The following GRM8 variants were observed in gnomAD, a reference collection of about 807,000 sequenced individuals.
The protein encoded by GRM8 is metabotropic glutamate receptor 8.
A neutral mutation model predicts 87.2 loss-of-function variants in GRM8; 47 were observed. That is an observed-to-expected ratio of 0.54 (90% CI 0.43 to 0.69). The LOEUF (loss-of-function observed/expected upper bound fraction) is 0.69. GRM8 is among the 30% of genes least tolerant of loss of function. The pLI, the probability that GRM8 is intolerant of heterozygous loss-of-function variation, is 0.00. For synonymous variants in GRM8, 396 were observed against 404.5 expected, an observed-to-expected ratio of 0.98 and a Z score of 0.25; for missense variants, 1,019 against 1,139.2, an observed-to-expected ratio of 0.89 and a Z score of 1.52.
intron 7 of GRM8, among the ~76,000 whole-genome samples, chr7:126,690,423 G>T (rs1368495969): frequency 6.6e-6 from 1 of 152,186 alleles, no homozygotes; most frequent in East Asian, 1.9e-4. Flanking sequence ...AGCTGAACCA[G>T]GCATACCACA....
chr7:127,167,101 G>A (rs193015598), intron 2 of GRM8, among the ~76,000 whole-genome samples: 1 of 152,132 alleles, frequency 6.6e-6, no homozygotes. Context: ...TGGCTTCCCA[G>A]TGTGGCTGAA....
intron 7 of GRM8, among the ~76,000 whole-genome samples, chr7:126,694,245 A>C (rs1301454820): frequency 1.3e-5 from 2 of 152,174 alleles, no homozygotes; most frequent in Non-Finnish European, 1.5e-5. Flanking sequence ...CACCATCTAA[A>C]ACATAGTACT....
At chr7:126,662,413 T>A (rs1805283250) in intron 7 of GRM8, among the ~76,000 whole-genome samples, 1 of 152,062 alleles carries the variant, frequency 6.6e-6, no homozygotes, top group Admixed American at 6.6e-5. Flanking sequence ...CAAAAAAAAG[T>A]CCTAATAAAG....
intron 2 of GRM8, among the ~76,000 whole-genome samples, chr7:127,200,710 G>A (rs17864156): frequency 0.08 from 12,142 of 152,210 alleles, 704 homozygotes; most frequent in African/African-American, 0.17. Flanking sequence ...ATCTTCACAT[G>A]GCTTTCGCCC....
At chr7:126,532,764 G>GATATAGATAT (rs1815026306) in intron 9 of GRM8, among the ~76,000 whole-genome samples, 188 bp downstream of exon 9, 2 of 111,006 alleles carry the variant, frequency 1.8e-5, no homozygotes, top group South Asian at 3.1e-4. Context: ...GACGGATGGA[G>GATATAGATAT]ATATATATAT....
intron 3 of GRM8, among the ~76,000 whole-genome samples, chr7:126,955,306 T>G (rs1317295757): frequency 6.6e-6 from 1 of 152,138 alleles, no homozygotes; most frequent in East Asian, 1.9e-4. Flanking sequence ...CTTCATTTCT[T>G]CAAGAAGTCA....
At chr7:127,233,000 G>T (rs2116821293) in intron 2 of GRM8, among the ~76,000 whole-genome samples, 1 of 152,098 alleles carries the variant, frequency 6.6e-6, no homozygotes, top group African/African-American at 2.4e-5. Flanking sequence ...ACCATGCCCA[G>T]CTAATTTTGT....
At chr7:126,552,530 T>C (rs1792698635) in intron 8 of GRM8, among the ~76,000 whole-genome samples, 1 of 152,144 alleles carries the variant, frequency 6.6e-6, no homozygotes, top group Non-Finnish European at 1.5e-5. Context: ...TACAAGCTAA[T>C]ACTCCAAAAT....
intron 3 of GRM8, among the ~76,000 whole-genome samples, chr7:127,034,247 T>C (rs1056504556): frequency 1.3e-5 from 2 of 152,346 alleles, no homozygotes; most frequent in South Asian, 2.1e-4. Flanking sequence ...CACAAATGCA[T>C]GGACAGTCTC....
chr7:126,653,145 A>G (rs912040358), intron 7 of GRM8, among the ~76,000 whole-genome samples: 2 of 152,050 alleles, frequency 1.3e-5, no homozygotes, highest in Non-Finnish European at 2.9e-5. Flanking sequence ...CTACAGAAAC[A>G]TTTTTTAAAT....
intron 7 of GRM8, among the ~76,000 whole-genome samples, chr7:126,744,085 T>G (rs1237171982): frequency 6.6e-6 from 1 of 152,058 alleles, no homozygotes; most frequent in African/African-American, 2.4e-5. Flanking sequence ...GTAAAATTTA[T>G]TGATTAAAAC....
At chr7:126,929,357 C>T (rs978936104) in intron 3 of GRM8, among the ~76,000 whole-genome samples, 5 of 152,218 alleles carry the variant, frequency 3.3e-5, no homozygotes, top group South Asian at 4.1e-4. Context: ...CAGCCACTAG[C>T]GTCATAGGAC....
At chr7:127,125,724 G>A (rs1488982445) in intron 2 of GRM8, among the ~76,000 whole-genome samples, 2 of 148,824 alleles carry the variant, frequency 1.3e-5, no homozygotes, top group African/African-American at 5.0e-5. Flanking sequence ...GCATCCATCA[G>A]GGGACCAATA....
chr7:126,538,715 C>A (rs2150886068), intron 8 of GRM8, among the ~76,000 whole-genome samples: 1 of 152,082 alleles, frequency 6.6e-6, no homozygotes, highest in East Asian at 1.9e-4. Flanking sequence ...TGGAAGACTG[C>A]ATGTGCAATT....
intron 7 of GRM8, among the ~76,000 whole-genome samples, chr7:126,667,878 T>C (rs899647557): frequency 2.0e-5 from 3 of 152,190 alleles, no homozygotes; most frequent in African/African-American, 7.2e-5. Context: ...GAGGACAGGA[T>C]GCAAGAGCAA....
intron 3 of GRM8, among the ~76,000 whole-genome samples, chr7:126,977,990 A>C (rs1236586983): frequency 6.6e-6 from 1 of 152,252 alleles, no homozygotes; most frequent in Non-Finnish European, 1.5e-5. Flanking sequence ...AAGTAAATGT[A>C]AAATGATGTG....
chr7:127,228,716 A>T (rs1024175563), intron 2 of GRM8: 20 of 152,236 alleles, frequency 1.3e-4, no homozygotes, highest in Admixed American at 1.3e-3. Context: ...AAAATGTCCA[A>T]TATCCATGAA....
intron 7 of GRM8, among the ~76,000 whole-genome samples, chr7:126,759,010 G>A (rs1162595782): frequency 1.3e-5 from 2 of 151,972 alleles, no homozygotes; most frequent in Non-Finnish European, 2.9e-5. Context: ...AGATTCTCCT[G>A]CCTCAGCCTC....
chr7:127,009,225 G>A (rs997716929), intron 3 of GRM8, among the ~76,000 whole-genome samples: 1 of 152,048 alleles, frequency 6.6e-6, no homozygotes, highest in East Asian at 1.9e-4. Context: ...GTATGACCTA[G>A]AGTGATCTTT....
Sources: gnomAD v4.1 joint callset for allele counts (sites outside exome capture counted in the v4.1 genomes callset) on GRCh38, gnomAD v4.1.1 for gene constraint, MANE v1.5 for transcripts, NCBI Gene and HGNC (gene_info 2026-07-23, HGNC 2026-07-21) for gene names.